CNTNAP5: variants seen among roughly 807,000 people sequenced by gnomAD.
The protein encoded by CNTNAP5 is contactin-associated protein-like 5.
CNTNAP5 carries 72 observed loss-of-function variants against 150.2 expected under a neutral mutation model. The observed-to-expected ratio is 0.48, with a 90% CI of 0.40 to 0.58. The LOEUF (loss-of-function observed/expected upper bound fraction) is 0.58. CNTNAP5 is among the 20% of genes least tolerant of loss of function. CNTNAP5 has a pLI of 0.00. For missense variants in CNTNAP5, 1,636 were observed against 1,626.2 expected (o/e 1.01, Z -0.10); for synonymous variants, 672 against 619.8 (o/e 1.08, Z -1.25).
intron 2 of CNTNAP5, among the ~76,000 whole-genome samples, chr2:124,231,675 G>A (rs556160952): frequency 1.3e-5 from 2 of 152,200 alleles, no homozygotes; most frequent in South Asian, 4.1e-4. Context: ...ATATGCCTGA[G>A]GGAAAAACTA....
chr2:124,113,789 T>C (rs1683360453), intron 1 of CNTNAP5, among the ~76,000 whole-genome samples: 1 of 152,014 alleles, frequency 6.6e-6, no homozygotes, highest in African/African-American at 2.4e-5. Context: ...GTATTTATAA[T>C]CCTTTTGAAA....
chr2:124,386,204 G>T (rs188899385), intron 3 of CNTNAP5, among the ~76,000 whole-genome samples: 77 of 152,298 alleles, frequency 5.1e-4, no homozygotes, highest in Non-Finnish European at 8.7e-4. Context: ...TAAGGCTGAA[G>T]AAACAATGTT....
chr2:124,412,416 T>C (rs201455388), intron 3 of CNTNAP5, among the ~76,000 whole-genome samples: 61,089 of 142,448 alleles, frequency 0.43, 14,865 homozygotes, highest in Non-Finnish European at 0.53. Flanking sequence ...GAGCCCGCAT[T>C]GCCAAGGCAA....
intron 13 of CNTNAP5, among the ~76,000 whole-genome samples, chr2:124,695,036 G>A (rs917859409): frequency 4.6e-5 from 7 of 151,594 alleles, no homozygotes; most frequent in African/African-American, 1.7e-4. Flanking sequence ...CAATGTAATG[G>A]AAGCAACATG....
chr2:124,303,401 A>G (rs1434692516), intron 3 of CNTNAP5, among the ~76,000 whole-genome samples: 1 of 152,208 alleles, frequency 6.6e-6, no homozygotes, highest in African/African-American at 2.4e-5. Flanking sequence ...AAATGTATAT[A>G]ACAGACAGAG....
rs1205053175 is a variant in CNTNAP5 at position 124,798,170 on chromosome 2, A to G, written c.3067A>G (p.Ile1023Val). Residue 1023 changes from isoleucine (I) to valine (V), a missense_variant, in exon 19 of 24, where the codon ATA becomes GTA. By Grantham distance (29) the Ile-to-Val change is conservative. Coordinates refer to ENST00000682447, the MANE Select transcript of CNTNAP5 (RefSeq NM_001367498.1). ...AGAACCCTATCCTGTGACCAAGAATATAAGCCTCTCATCCTCAGCTATTTA... is the reference window on the plus strand; with the variant it reads ...AGAACCCTATCCTGTGACCAAGAATGTAAGCCTCTCATCCTCAGCTATTTA... ...FQEPYPVTKN[I>V]SLSSSAIYTD... 3.1e-6 allele frequency: 5 copies of G among 1,613,894 alleles called. No individual in the cohort carries two copies. Among genetic ancestry groups the G allele is most frequent in the Admixed American group, 1.7e-5 (1 of 59,986 alleles).
chr2:124,121,931 C>T (rs930606645), intron 1 of CNTNAP5, among the ~76,000 whole-genome samples: 1 of 152,198 alleles, frequency 6.6e-6, no homozygotes, highest in African/African-American at 2.4e-5. Context: ...ATGCATGGAA[C>T]TATTACCACC....
chr2:124,591,084 A>G (rs116551510), intron 11 of CNTNAP5, among the ~76,000 whole-genome samples: 1 of 152,160 alleles, frequency 6.6e-6, no homozygotes, highest in Non-Finnish European at 1.5e-5. Flanking sequence ...AAGAGACTTA[A>G]TATGTCTATC....
chr2:124,368,019 T>C (rs1690421243), intron 3 of CNTNAP5, among the ~76,000 whole-genome samples: 1 of 152,166 alleles, frequency 6.6e-6, no homozygotes, highest in Admixed American at 6.5e-5. Context: ...AATGTGTCTA[T>C]AATTCAGTTA....
At position 124,913,428 on chromosome 2, in the gene CNTNAP5, A is replaced by G. The variant is rs73953237; in HGVS notation, c.3728-664A>G. Among the ~76,000 whole-genome samples the G allele has an allele frequency of 8.4e-3, 1,276 of 152,142 alleles. 22 individuals are homozygous for G. Among genetic ancestry groups the G allele is most frequent in the African/African-American group, 0.029 (1,224 of 41,512 alleles). The stretch of plus-strand genomic sequence containing the variant: ...TCCAGTTAAATCACACACAGTCAGA[A>G]TAAAGGGGAATCTGATGGGTCTGGA... On this transcript the variant is annotated intron_variant, in intron 23 of 23. Transcript: ENST00000682447.
chr2:124,233,251 G>C lies in CNTNAP5; in HGVS notation c.188-8949G>C, dbSNP rs183851342. Among the ~76,000 whole-genome samples the C allele has an allele frequency of 2.4e-3, 366 of 152,150 alleles. 1 individual carries two copies. Among genetic ancestry groups the C allele is most frequent in the Non-Finnish European group, 2.5e-3 (168 of 67,998 alleles). ...GGAATCAATGAGACCATGACCTCCT[G>C]TGGCTTGTTTTTTAAGCTATCAGAG... is the stretch of plus-strand genomic sequence containing the variant. On this transcript the variant is annotated intron_variant, in intron 2 of 23. Coordinates refer to ENST00000682447, the MANE Select transcript of CNTNAP5 (RefSeq NM_001367498.1).
chr2:124,251,681 C>T (rs1404603195), intron 3 of CNTNAP5, among the ~76,000 whole-genome samples: 1 of 152,006 alleles, frequency 6.6e-6, no homozygotes, highest in Non-Finnish European at 1.5e-5. Flanking sequence ...TGGACAGGTA[C>T]AAAATGGAGG....
At chr2:124,800,446 T>C (rs985039756) in intron 19 of CNTNAP5, among the ~76,000 whole-genome samples, 6 of 152,144 alleles carry the variant, frequency 3.9e-5, no homozygotes, top group African/African-American at 1.2e-4. Context: ...CAACATTTAC[T>C]TCTCATCACA....
chr2:124,517,390 G>A (rs999635748), intron 8 of CNTNAP5, among the ~76,000 whole-genome samples: 3 of 150,908 alleles, frequency 2.0e-5, no homozygotes, highest in African/African-American at 7.3e-5. Flanking sequence ...GTAAAGAGGG[G>A]TTGTGTTGTT....
chr2:124,877,993 A>G (rs1441863816), intron 21 of CNTNAP5, among the ~76,000 whole-genome samples: 1 of 152,122 alleles, frequency 6.6e-6, no homozygotes, highest in African/African-American at 2.4e-5. Context: ...ATTGAGTCAC[A>G]GAGGTTCAGT....
chr2:124,500,547 G>A (rs1231370056), intron 7 of CNTNAP5, among the ~76,000 whole-genome samples: 10 of 152,080 alleles, frequency 6.6e-5, no homozygotes, highest in African/African-American at 1.4e-4. Context: ...AGACCAAGGT[G>A]GGAGGTTTTG....
At chr2:124,441,204 G>T (rs981604880) in intron 5 of CNTNAP5, among the ~76,000 whole-genome samples, 12 of 152,044 alleles carry the variant, frequency 7.9e-5, no homozygotes, top group African/African-American at 2.9e-4. Context: ...TTATCCATAT[G>T]TGCTCCTTTT....
chr2:124,742,204 C>A (rs921461321), intron 13 of CNTNAP5, among the ~76,000 whole-genome samples: 4 of 152,188 alleles, frequency 2.6e-5, no homozygotes, highest in Admixed American at 2.6e-4. Flanking sequence ...ATGCAGTCTG[C>A]TCTGCCAAAT....
intron 3 of CNTNAP5, among the ~76,000 whole-genome samples, chr2:124,246,082 C>T (rs999436037): frequency 1.3e-5 from 2 of 151,918 alleles, no homozygotes. Context: ...TGGTCTTCTG[C>T]GGACCCTCAA....
Sources: allele counts gnomAD v4.1 joint callset (sites outside exome capture counted in the v4.1 genomes callset), GRCh38; gene constraint gnomAD v4.1.1; transcripts MANE v1.5; gene names NCBI Gene and HGNC (gene_info 2026-07-23, HGNC 2026-07-21).